GFRA2: variants seen among roughly 807,000 people sequenced by gnomAD.
The protein encoded by GFRA2 is GDNF family receptor alpha-2.
GFRA2 carries 17 observed loss-of-function variants against 48.3 expected under a neutral mutation model. That is an observed-to-expected ratio of 0.35 (90% confidence interval 0.24 to 0.53). The LOEUF is 0.53. GFRA2 is among the 20% of genes least tolerant of loss of function. GFRA2 has a pLI of 0.93. For synonymous variants in GFRA2, 305 were observed against 257.2 expected (o/e 1.19, Z -1.78); for missense variants, 660 against 637.3 (o/e 1.04, Z -0.38).
intron 6 of GFRA2, 31 bp downstream of exon 6, chr8:21,704,954 G>T (rs1052928323): frequency 2.1e-5 from 33 of 1,569,746 alleles, no homozygotes; most frequent in Non-Finnish European, 2.8e-5. Flanking sequence ...GGGAGGGGCT[G>T]CTGGGGTTGG....
chr8:21,792,764 G>A (rs1807597839), upstream of GFRA2, among the ~76,000 whole-genome samples: 1 of 152,186 alleles, frequency 6.6e-6, no homozygotes, highest in South Asian at 2.1e-4. Flanking sequence ...AGAGCACAGT[G>A]ATTAGAAAGT....
At position 21,750,838 on chromosome 8, in the gene GFRA2, T is replaced by C. The variant is rs1805257370; in HGVS notation, c.544A>G (p.Ile182Val). 1 of 1,613,616 alleles carries C rather than the reference T, an allele frequency of 6.2e-7. No homozygotes were observed. Among genetic ancestry groups the C allele is most frequent in the Non-Finnish European group, 8.5e-7 (1 of 1,179,800 alleles). Residue 182 changes from isoleucine to valine, a missense_variant, in exon 4 of 9, where the codon ATC (isoleucine) becomes GTC (valine). Coordinates refer to ENST00000524240, the MANE Select transcript of GFRA2 (RefSeq NM_001495.5). This position sits in a 1 kb window ranked among gnomAD's most constrained non-coding sequence, Gnocchi z 5.7. The part of the protein sequence containing the change: ...DNCKKLRSSY[I>V]SICNREISPT... Reference sequence around the variant, plus strand: ...GAGATCTCGCGGTTGCAGATGGAGATGTAGGAGGAGCGCAGCTTCTTGCAG... The same window carrying C: ...GAGATCTCGCGGTTGCAGATGGAGACGTAGGAGGAGCGCAGCTTCTTGCAG...
rs1313455918 is a variant in GFRA2 at position 21,803,010 on chromosome 8, T to G, written c.-36+2007A>C. On this transcript the variant is annotated intron_variant, in intron 2 of 10. Transcript: ENST00000517328. ...TTCGGTCAACAAAAATAGGTTGTATTAGCTAAGCTAGGTTAAGCTAAGTTT... is the reference window on the plus strand; with the variant it reads ...TTCGGTCAACAAAAATAGGTTGTATGAGCTAAGCTAGGTTAAGCTAAGTTT... 3.3e-5 allele frequency among the ~76,000 whole-genome samples: 5 copies of G among 152,348 alleles called. No homozygotes were observed. The East Asian group carries it at 9.6e-4, about 29-fold the overall frequency.
chr8:21,780,479 C>T (rs1010189394), intron 2 of GFRA2, among the ~76,000 whole-genome samples: 2 of 152,056 alleles, frequency 1.3e-5, no homozygotes, highest in African/African-American at 2.4e-5. Flanking sequence ...CCATGGTCTC[C>T]GGGGTCTGTT....
intron 7 of GFRA2, among the ~76,000 whole-genome samples, chr8:21,697,963 T>C (rs528106880): frequency 2.2e-4 from 33 of 152,328 alleles, no homozygotes; most frequent in African/African-American, 7.2e-4. Flanking sequence ...CTTTCCTTTA[T>C]GAATTACCCA....
intron 4 of GFRA2, among the ~76,000 whole-genome samples, chr8:21,746,796 CAA>C (rs562714111): frequency 5.6e-5 from 7 of 124,466 alleles, no homozygotes; most frequent in Non-Finnish European, 5.3e-5. Context: ...TCCAGAAAAG[CAA>C]AAAAAAAAAA....
At chr8:21,708,828 C>A (rs956231955) in intron 4 of GFRA2, among the ~76,000 whole-genome samples, 5 of 152,190 alleles carry the variant, frequency 3.3e-5, no homozygotes, top group African/African-American at 1.2e-4. Flanking sequence ...AAGCATGGCC[C>A]TGCCAACACC....
chr8:21,711,169 C>T (rs895197563), intron 4 of GFRA2, among the ~76,000 whole-genome samples: 1 of 152,202 alleles, frequency 6.6e-6, no homozygotes, highest in African/African-American at 2.4e-5. Context: ...GTCACTCTTC[C>T]CTCCAACACC....
chr8:21,705,624 G>A (rs28633503), intron 5 of GFRA2, among the ~76,000 whole-genome samples: 85,454 of 152,132 alleles, frequency 0.56, 27,238 homozygotes, highest in African/African-American at 0.88. Context: ...AAGACAGTCC[G>A]TGTAAACTGC....
At chr8:21,723,777 C>T (rs890678777) in intron 4 of GFRA2, among the ~76,000 whole-genome samples, 1 of 152,170 alleles carries the variant, frequency 6.6e-6, no homozygotes, top group Non-Finnish European at 1.5e-5. Context: ...AGTGGGCTGG[C>T]CATAAGACCA....
At chr8:21,758,779 G>T (rs1454954462) in intron 3 of GFRA2, among the ~76,000 whole-genome samples, 1 of 152,110 alleles carries the variant, frequency 6.6e-6, no homozygotes, top group Non-Finnish European at 1.5e-5. Flanking sequence ...GGAAAGCCCT[G>T]CTGTCTCACC....
rs369940870 is a variant in GFRA2 at position 21,742,035 on chromosome 8, G to A, written c.794+8553C>T. ...AAGAAAAATATTAAAGGAAAGCCAC[G>A]TGATGTCACAGGAAGGATACAGACA... On this transcript the variant is annotated intron_variant, in intron 4 of 8. Transcript: ENST00000524240. 3.3e-4 allele frequency among the ~76,000 whole-genome samples: 51 copies of A among 152,240 alleles called. No individual in the cohort carries two copies. In the South Asian group the frequency reaches 9.8e-3, roughly 29 times the overall value.
At chr8:21,730,053 G>T (rs1208477408) in intron 4 of GFRA2, among the ~76,000 whole-genome samples, 1 of 152,076 alleles carries the variant, frequency 6.6e-6, no homozygotes, top group Non-Finnish European at 1.5e-5. Context: ...GGGAGGGGGG[G>T]CCTCATAAAG....
chr8:21,763,513 G>A (rs1237806305), intron 3 of GFRA2, among the ~76,000 whole-genome samples: 4 of 151,996 alleles, frequency 2.6e-5, no homozygotes, highest in Non-Finnish European at 4.4e-5. Context: ...CAACAGGGGC[G>A]GTCTGTCTGC....
At chr8:21,713,043 G>C (rs932823343) in intron 4 of GFRA2, among the ~76,000 whole-genome samples, 1 of 141,464 alleles carries the variant, frequency 7.1e-6, no homozygotes, top group African/African-American at 2.8e-5. Flanking sequence ...AGACGAGGGA[G>C]AGGGAGAGGG....
chr8:21,713,007 G>C (rs1424947345), intron 4 of GFRA2, among the ~76,000 whole-genome samples: 1 of 150,944 alleles, frequency 6.6e-6, no homozygotes, highest in Non-Finnish European at 1.5e-5. Flanking sequence ...GAAAGAGGGA[G>C]AGGGAGACGA....
At chr8:21,709,004 G>C (rs1585237072) in intron 4 of GFRA2, among the ~76,000 whole-genome samples, 1 of 152,064 alleles carries the variant, frequency 6.6e-6, no homozygotes, top group South Asian at 2.1e-4. Context: ...GAAGCTAAGG[G>C]GATATGATCA....
Position 21,788,334 on chromosome 8 carries a change from G to T in GFRA2, c.-175C>A. 2 of 1,377,868 alleles carry T rather than the reference G, an allele frequency of 1.5e-6. No homozygotes were observed. The highest frequency in any genetic ancestry group is 1.9e-6 in the Non-Finnish European group (2 of 1,069,034). 85.4% of individuals were successfully genotyped at this position (1,377,868 alleles called of 1,614,324 possible). On this transcript the variant is annotated 5_prime_UTR_variant, in exon 1 of 9. Coordinates refer to ENST00000524240, the MANE Select transcript of GFRA2 (RefSeq NM_001495.5). ...AGTCCTGCGATTCTCGCCTCTGGCTGGAGGGGGTGGGGTGAGAGGCGGGCG... is the reference window on the plus strand; with the variant it reads ...AGTCCTGCGATTCTCGCCTCTGGCTTGAGGGGGTGGGGTGAGAGGCGGGCG...
At chr8:21,766,043 C>CA (rs1806134511) in intron 3 of GFRA2, among the ~76,000 whole-genome samples, 2 of 152,128 alleles carry the variant, frequency 1.3e-5, no homozygotes, top group Admixed American at 6.5e-5. Context: ...ACACATAGAT[C>CA]ATACTGTGCT....
Sources: gnomAD v4.1 joint callset for allele counts (sites outside exome capture counted in the v4.1 genomes callset) on GRCh38, gnomAD v4.1.1 for gene constraint, Gnocchi (gnomAD v3.1) non-coding constraint, MANE v1.5 for transcripts, NCBI Gene and HGNC (gene_info 2026-07-23, HGNC 2026-07-21) for gene names.